Variants in HPCAL1 observed in about 807,000 individuals in gnomAD.
HPCAL1 encodes hippocalcin-like protein 1.
HPCAL1 carries 8 observed loss-of-function variants against 17.1 expected under a neutral mutation model. The ratio of observed to expected loss-of-function variants is 0.47; its 90% confidence interval spans 0.27 to 0.84. The LOEUF is 0.84. Among genes scored for constraint, HPCAL1 ranks in the 40% least tolerant of loss-of-function variants. HPCAL1 has a pLI of 0.13. For missense variants in HPCAL1, 165 were observed against 271.1 expected (o/e 0.61, Z 2.75); for synonymous variants, 112 against 111.4 (o/e 1.01, Z -0.03).
At position 10,377,390 on chromosome 2, in the gene HPCAL1, G is replaced by A. The variant is rs527395505; in HGVS notation, c.-110-19445G>A. 8.5e-5 allele frequency among the ~76,000 whole-genome samples: 13 copies of A among 152,304 alleles called. No individual in the cohort carries two copies. Among genetic ancestry groups the A allele is most frequent in the Non-Finnish European group, 1.3e-4 (9 of 68,022 alleles). On this transcript the variant is annotated intron_variant, in intron 1 of 4. Transcript: ENST00000307845. The surrounding 1 kb of genome is among the most constrained non-coding windows in gnomAD (Gnocchi z 5.9). ...TGAACAGTGCTTGCAAAGGTAACTG[G>A]CATTCTGCCGGCTGCTCAACTCTGT...
At chr2:10,415,969 A>G (rs981837433) in intron 2 of HPCAL1, among the ~76,000 whole-genome samples, 1 of 152,178 alleles carries the variant, frequency 6.6e-6, no homozygotes, top group South Asian at 2.1e-4. Flanking sequence ...GCACAGGAGG[A>G]GCCACCACGG....
chr2:10,403,035 T>G (rs1157835273), intron 2 of HPCAL1, among the ~76,000 whole-genome samples: 1 of 152,128 alleles, frequency 6.6e-6, no homozygotes, highest in Non-Finnish European at 1.5e-5. Flanking sequence ...AATAGTTCCT[T>G]TGGGGCTCAT....
intron 2 of HPCAL1, among the ~76,000 whole-genome samples, chr2:10,400,979 G>T (rs542672661): frequency 1.8e-4 from 27 of 152,356 alleles, no homozygotes; most frequent in African/African-American, 6.5e-4. Flanking sequence ...GATCCCACAT[G>T]AGCAAGACCG....
intron 3 of HPCAL1, among the ~76,000 whole-genome samples, chr2:10,421,683 A>C (rs569202515): frequency 1.3e-5 from 2 of 152,340 alleles, no homozygotes; most frequent in South Asian, 4.1e-4. Flanking sequence ...CCTGGGTGAC[A>C]GAGTGAGACC....
At chr2:10,416,701 C>T (rs905144023) in intron 2 of HPCAL1, among the ~76,000 whole-genome samples, 5 of 146,160 alleles carry the variant, frequency 3.4e-5, no homozygotes, top group Admixed American at 6.8e-5. Context: ...TTTACATTCC[C>T]TTTTTTTTTT....
chr2:10,347,260 C>T (rs1453801665), intron 1 of HPCAL1, among the ~76,000 whole-genome samples: 1 of 152,070 alleles, frequency 6.6e-6, no homozygotes, highest in Admixed American at 6.5e-5. Flanking sequence ...TCACCCAGCC[C>T]CCGGCCCACC....
chr2:10,382,984 T>C (rs2125542255), intron 1 of HPCAL1, among the ~76,000 whole-genome samples: 2 of 152,256 alleles, frequency 1.3e-5, no homozygotes, highest in Admixed American at 1.3e-4. Context: ...AGGGCAGTGG[T>C]GTGCGGGACA....
Position 10,329,050 on chromosome 2 carries a change from C to T in HPCAL1, c.-111+25873C>T, listed in dbSNP as rs1156313434. On this transcript the variant is annotated intron_variant, in intron 1 of 4. Coordinates refer to ENST00000307845, the MANE Select transcript of HPCAL1 (RefSeq NM_002149.4). ...TTGCCGTGTTGCCCAGGCTAGTCTC[C>T]AACTCCTGGGTTCAAGTGTCCTCCT... 2.0e-5 allele frequency among the ~76,000 whole-genome samples: 3 copies of T among 152,022 alleles called. No homozygotes were observed. In the East Asian group the frequency reaches 5.8e-4, roughly 29 times the overall value.
rs1665307567 is a variant in HPCAL1, at chr2:10,344,803, G to C, written c.-111+41626G>C. The stretch of plus-strand genomic sequence containing the variant: ...TGTGCCTGACTTTCTGTCTCTTTCT[G>C]CTTCTCTCTCTGTGTCTGTCTCTGT... On this transcript the variant is annotated intron_variant, in intron 1 of 4. Coordinates refer to ENST00000307845, the MANE Select transcript of HPCAL1 (RefSeq NM_002149.4). This position sits in a 1 kb window ranked among gnomAD's most constrained non-coding sequence, Gnocchi z 4.9. Among the ~76,000 whole-genome samples, 1 of 150,652 alleles carries C rather than the reference G, an allele frequency of 6.6e-6. No individual in the cohort carries two copies.
At chr2:10,412,791 T>C (rs1488361521) in intron 2 of HPCAL1, among the ~76,000 whole-genome samples, 1 of 152,186 alleles carries the variant, frequency 6.6e-6, no homozygotes, top group Non-Finnish European at 1.5e-5. Flanking sequence ...CCAGTTGCCC[T>C]GTTTCTCCTT....
rs756679860 is a variant in HPCAL1 at position 10,419,893 on chromosome 2, G to T, written c.136G>T (p.Asp46Tyr). Residue 46 changes from aspartate to tyrosine, a missense_variant, in exon 3 of 5, where the codon GAC becomes TAC. By Grantham distance (160) the Asp-to-Tyr change is radical. Transcript: ENST00000307845. This position sits in a 1 kb window ranked among gnomAD's most constrained non-coding sequence, Gnocchi z 5.0. ...KDCPTGHLTV[D>Y]EFKKIYANFF... is the part of the protein sequence containing the mutation. The stretch of plus-strand genomic sequence containing the variant: ...CTGCCCCACCGGCCACCTGACCGTG[G>T]ACGAGTTCAAGAAGATCTACGCCAA... 25 of 1,613,786 alleles carry T rather than the reference G, an allele frequency of 1.5e-5. No individual in the cohort carries two copies. The highest frequency in any genetic ancestry group is 1.9e-5 in the Non-Finnish European group (23 of 1,180,034).
At chr2:10,407,539 A>G (rs1309192938) in intron 2 of HPCAL1, among the ~76,000 whole-genome samples, 1 of 133,238 alleles carries the variant, frequency 7.5e-6, no homozygotes, top group East Asian at 4.6e-4. Context: ...GAACAAAAGG[A>G]GGCAGACAGT....
intron 1 of HPCAL1, among the ~76,000 whole-genome samples, chr2:10,378,223 GTTTTTTT>G (rs58697364): frequency 2.1e-5 from 2 of 96,254 alleles, no homozygotes; most frequent in African/African-American, 8.5e-5. Context: ...GTGGTTTCAT[GTTTTTTT>G]TTTTTTTTTT....
chr2:10,383,426 G>A (rs900382084), intron 1 of HPCAL1, among the ~76,000 whole-genome samples: 1 of 151,948 alleles, frequency 6.6e-6, no homozygotes, highest in African/African-American at 2.4e-5. Flanking sequence ...GCAGTGGCAC[G>A]ATCTCGGCTC....
At position 10,427,295 on chromosome 2, in the gene HPCAL1, C is replaced by G. The variant is rs562296718; in HGVS notation, c.*474C>G. The G allele has an allele frequency of 6.1e-6, 1 of 164,904 alleles. No homozygotes were observed. Among genetic ancestry groups the G allele is most frequent in the Non-Finnish European group, 1.3e-5 (1 of 76,026 alleles). 10.2% of individuals were successfully genotyped at this position (164,904 alleles called of 1,614,324 possible). On this transcript the variant is annotated 3_prime_UTR_variant, in exon 5 of 5. Transcript: ENST00000307845. ...ATTTTCTCCACCACAGCCGCTTGCA[C>G]GTATAGATACTGTGGTCCCCTTTCT...
intron 2 of HPCAL1, chr2:10,406,406 G>C (rs1007041979): frequency 6.6e-6 from 1 of 152,316 alleles, no homozygotes; most frequent in Non-Finnish European, 1.5e-5. Flanking sequence ...GGGCGTGTGT[G>C]GGGGGTCACT....
rs766467400 is a variant in HPCAL1, at chr2:10,396,895, C to T, written c.-50C>T. The T allele has an allele frequency of 1.3e-5, 2 of 151,770 alleles. No individual in the cohort carries two copies. The highest frequency in any genetic ancestry group is 4.8e-5 in the African/African-American group (2 of 41,402). 9.4% of individuals were successfully genotyped at this position (151,770 alleles called of 1,614,324 possible). ...CACTCCCTGGAGGTTCTGACCCACTCCCTCTCAGCCTCCGCCTGGTCTCTG... is the reference window on the plus strand; with the variant it reads ...CACTCCCTGGAGGTTCTGACCCACTTCCTCTCAGCCTCCGCCTGGTCTCTG... On this transcript the variant is annotated 5_prime_UTR_variant, in exon 2 of 5. Transcript: ENST00000307845.
chr2:10,373,165 T>C (rs1667333437), intron 1 of HPCAL1, among the ~76,000 whole-genome samples: 1 of 152,104 alleles, frequency 6.6e-6, no homozygotes, highest in African/African-American at 2.4e-5. Context: ...TGGGTTTCTG[T>C]AACTACAAGG....
At chr2:10,332,593 G>A (rs1031707524) in intron 1 of HPCAL1, among the ~76,000 whole-genome samples, 2 of 152,206 alleles carry the variant, frequency 1.3e-5, no homozygotes, top group African/African-American at 4.8e-5. Context: ...TCAGACGCTT[G>A]TTAAAACAGT....
Sources: allele counts gnomAD v4.1 joint callset (sites outside exome capture counted in the v4.1 genomes callset), GRCh38; gene constraint gnomAD v4.1.1; non-coding constraint Gnocchi (gnomAD v3.1); transcripts MANE v1.5; gene names NCBI Gene and HGNC (gene_info 2026-07-23, HGNC 2026-07-21).